The following WWOX variants were observed in gnomAD, a reference collection of about 807,000 sequenced individuals.
The protein encoded by WWOX is WW domain-containing oxidoreductase.
Under a neutral mutation model 46.2 loss-of-function variants are expected in WWOX, and 69 were observed. That is an observed-to-expected ratio of 1.49 (90% CI 1.23 to 1.82). The LOEUF (loss-of-function observed/expected upper bound fraction) is 1.82. WWOX is among the 40% of genes most tolerant of loss of function. WWOX has a pLI of 0.00. For synonymous variants in WWOX, 359 were observed against 202.6 expected (o/e 1.77, Z -6.56); for missense variants, 919 against 542.6 (o/e 1.69, Z -6.89).
intron 8 of WWOX, among the ~76,000 whole-genome samples, chr16:79,032,351 A>G (rs7190481): frequency 0.082 from 12,029 of 146,068 alleles, 605 homozygotes; most frequent in African/African-American, 0.14. Context: ...TGTAATATAT[A>G]ATATATTCTA....
At chr16:78,224,215 G>C (rs559073202) in intron 5 of WWOX, among the ~76,000 whole-genome samples, 1 of 152,162 alleles carries the variant, frequency 6.6e-6, no homozygotes, top group African/African-American at 2.4e-5. Flanking sequence ...ACGTTAGCCA[G>C]GATGGTCTCT....
chr16:79,084,437 T>A (rs1342489411), intron 8 of WWOX, among the ~76,000 whole-genome samples: 1 of 152,210 alleles, frequency 6.6e-6, no homozygotes, highest in Non-Finnish European at 1.5e-5. Context: ...TTTCTTTTTT[T>A]TGAGATGGAG....
intron 8 of WWOX, among the ~76,000 whole-genome samples, chr16:78,712,806 G>A (rs1418572945): frequency 6.6e-6 from 1 of 152,138 alleles, no homozygotes; most frequent in Non-Finnish European, 1.5e-5. Flanking sequence ...AACTGTTAGA[G>A]TAATAGCGTA....
intron 5 of WWOX, among the ~76,000 whole-genome samples, chr16:78,335,551 C>T (rs1441343491): frequency 2.0e-5 from 3 of 152,104 alleles, no homozygotes; most frequent in Non-Finnish European, 4.4e-5. Flanking sequence ...GATTCCGTGT[C>T]CTTGCTATTG....
At chr16:78,596,045 T>G (rs1382958512) in intron 8 of WWOX, among the ~76,000 whole-genome samples, 1 of 152,194 alleles carries the variant, frequency 6.6e-6, no homozygotes, top group African/African-American at 2.4e-5. Flanking sequence ...AGTTTTTTAC[T>G]CTTTGTTGTT....
intron 8 of WWOX, among the ~76,000 whole-genome samples, chr16:78,534,187 G>T (rs1393862250): frequency 6.6e-6 from 1 of 152,182 alleles, no homozygotes. Flanking sequence ...TGCATCTGTG[G>T]ATAGGAGGCT....
At chr16:78,277,170 C>T (rs1169379959) in intron 5 of WWOX, among the ~76,000 whole-genome samples, 3 of 151,886 alleles carry the variant, frequency 2.0e-5, no homozygotes, top group Non-Finnish European at 2.9e-5. Flanking sequence ...TTATTTAAAT[C>T]GTTTGAAGTA....
intron 8 of WWOX, among the ~76,000 whole-genome samples, chr16:78,653,118 A>G (rs999643844): frequency 2.6e-5 from 4 of 152,114 alleles, no homozygotes; most frequent in African/African-American, 9.7e-5. Flanking sequence ...ATTTTTTTCA[A>G]CAAATTGGGC....
At chr16:78,464,875 G>C (rs1047992020) in intron 8 of WWOX, among the ~76,000 whole-genome samples, 1 of 152,184 alleles carries the variant, frequency 6.6e-6, no homozygotes, top group Non-Finnish European at 1.5e-5. Flanking sequence ...CCATACTTCT[G>C]TGAAGAAATA....
At chr16:78,936,881 G>A (rs933566983) in intron 8 of WWOX, among the ~76,000 whole-genome samples, 24 of 152,218 alleles carry the variant, frequency 1.6e-4, no homozygotes, top group Admixed American at 6.5e-4. Flanking sequence ...AGTATTACAG[G>A]GTGTCACCTG....
At chr16:79,120,494 C>G (rs1302125012) in intron 8 of WWOX, among the ~76,000 whole-genome samples, 1 of 152,114 alleles carries the variant, frequency 6.6e-6, no homozygotes, top group Non-Finnish European at 1.5e-5. Flanking sequence ...GTGCCCAGAG[C>G]AAAGGACCCT....
At chr16:78,275,724 T>C (rs1187112491) in intron 5 of WWOX, among the ~76,000 whole-genome samples, 3 of 152,204 alleles carry the variant, frequency 2.0e-5, no homozygotes, top group Non-Finnish European at 2.9e-5. Context: ...ATTGTCCCCA[T>C]TGGTCCATTT....
chr16:78,954,984 C>G (rs951144647), intron 8 of WWOX, among the ~76,000 whole-genome samples: 3 of 152,032 alleles, frequency 2.0e-5, no homozygotes, highest in African/African-American at 7.2e-5. Context: ...GGGACAGGGC[C>G]TCACTGTGTT....
intron 8 of WWOX, among the ~76,000 whole-genome samples, chr16:79,119,112 C>G (rs900806848): frequency 3.3e-5 from 5 of 151,838 alleles, no homozygotes; most frequent in African/African-American, 1.2e-4. Flanking sequence ...AAATTGCTCT[C>G]CAAAAGGTTT....
intron 8 of WWOX, among the ~76,000 whole-genome samples, chr16:78,963,271 C>G (rs2046305436): frequency 6.6e-6 from 1 of 152,058 alleles, no homozygotes; most frequent in African/African-American, 2.4e-5. Flanking sequence ...GAGTTGAAGA[C>G]CAGTCTGGGC....
At chr16:78,834,883 G>T (rs1003871750) in intron 8 of WWOX, among the ~76,000 whole-genome samples, 2 of 150,672 alleles carry the variant, frequency 1.3e-5, no homozygotes, top group African/African-American at 5.0e-5. Context: ...GATAATGACT[G>T]TTTGTAATAA....
At chr16:78,380,735 A>G (rs2081937285) in intron 5 of WWOX, among the ~76,000 whole-genome samples, 1 of 152,140 alleles carries the variant, frequency 6.6e-6, no homozygotes, top group Non-Finnish European at 1.5e-5. Flanking sequence ...AGGTGCTGTT[A>G]TTACTCCCAC....
At chr16:78,328,018 G>C (rs1389125956) in intron 5 of WWOX, among the ~76,000 whole-genome samples, 1 of 151,746 alleles carries the variant, frequency 6.6e-6, no homozygotes, top group South Asian at 2.1e-4. Flanking sequence ...TTGGATTATG[G>C]GTTTGTACCA....
At chr16:78,788,323 G>T (rs1005234795) in intron 8 of WWOX, among the ~76,000 whole-genome samples, 19 of 152,088 alleles carry the variant, frequency 1.2e-4, no homozygotes, top group Non-Finnish European at 2.2e-4. Context: ...TTACAATATT[G>T]CCTGTGTTAG....
Sources: allele counts gnomAD v4.1 joint callset (sites outside exome capture counted in the v4.1 genomes callset), GRCh38; gene constraint gnomAD v4.1.1; transcripts MANE v1.5; gene names NCBI Gene and HGNC (gene_info 2026-07-23, HGNC 2026-07-21).